GALNT17: variants seen among roughly 807,000 people sequenced by gnomAD.
The protein encoded by GALNT17 is UDP-GalNAc:polypeptide N-acetylgalactosaminyltransferase-like 3.
Under a neutral mutation model 63.7 loss-of-function variants are expected in GALNT17, and 29 were observed. The observed-to-expected ratio is 0.46, with a 90% CI of 0.34 to 0.62. GALNT17 has a LOEUF of 0.62. Ranked by LOEUF, GALNT17 falls within the 20% of genes least tolerant of loss-of-function variation. The pLI, the probability that GALNT17 is intolerant of heterozygous loss-of-function variation, is 0.01. For missense variants in GALNT17, 603 were observed against 799.6 expected (o/e 0.75, Z 2.97); for synonymous variants, 305 against 318.3 (o/e 0.96, Z 0.45).
intron 5 of GALNT17, among the ~76,000 whole-genome samples, chr7:71,449,143 C>G (rs191107913): frequency 1.3e-5 from 1 of 76,564 alleles, no homozygotes; most frequent in African/African-American, 5.5e-5. Flanking sequence ...GGCAGAGTCT[C>G]GCTCTGTCTC....
At chr7:71,219,783 A>G (rs527610446) in intron 1 of GALNT17, among the ~76,000 whole-genome samples, 173 of 151,964 alleles carry the variant, frequency 1.1e-3, no homozygotes, top group Non-Finnish European at 1.9e-3. Flanking sequence ...TCATATTTTT[A>G]TTTTCCTCAA....
At chr7:71,228,182 G>A (rs1583779333) in intron 1 of GALNT17, among the ~76,000 whole-genome samples, 1 of 152,128 alleles carries the variant, frequency 6.6e-6, no homozygotes, top group African/African-American at 2.4e-5. Flanking sequence ...CAGCCCAGCT[G>A]TCTCTAAACA....
intron 6 of GALNT17, among the ~76,000 whole-genome samples, chr7:71,621,456 C>T (rs900590350): frequency 2.7e-5 from 4 of 148,436 alleles, no homozygotes; most frequent in Admixed American, 2.0e-4. Flanking sequence ...GCTGAATAGG[C>T]GGGTGGATGG....
chr7:71,457,850 A>G (rs1251732948), intron 5 of GALNT17, among the ~76,000 whole-genome samples: 1 of 152,180 alleles, frequency 6.6e-6, no homozygotes, highest in Non-Finnish European at 1.5e-5. Context: ...CTGGGAATCC[A>G]GCCCAGTAGG....
chr7:71,206,136 GTATATATATATGAATATATATATAAAA>G (rs1351651063), intron 1 of GALNT17, among the ~76,000 whole-genome samples: 1 of 147,466 alleles, frequency 6.8e-6, no homozygotes, highest in African/African-American at 2.5e-5. Context: ...GTTTGTGTGT[GTATATATATATGAATATATATATAAAA>G]TATATATATT....
intron 2 of GALNT17, among the ~76,000 whole-genome samples, chr7:71,374,963 C>T (rs1275877130): frequency 6.6e-6 from 1 of 151,628 alleles, no homozygotes; most frequent in East Asian, 1.9e-4. Flanking sequence ...CCTCAGCCTC[C>T]TGAGTAGCTG....
intron 5 of GALNT17, among the ~76,000 whole-genome samples, chr7:71,451,996 G>C (rs1342736417): frequency 1.3e-5 from 2 of 151,980 alleles, no homozygotes; most frequent in Admixed American, 1.3e-4. Context: ...GATCTCTTGA[G>C]CCCAAGAGTT....
rs142879849 is a variant in GALNT17, at chr7:71,400,718, C to T, written c.589+12317C>T. Reference sequence around the variant, plus strand: ...ATTTAATAGTAAGTCCTTTAACCACCGATATGAAATTCACTGTTTTTATCT... The same window carrying T: ...ATTTAATAGTAAGTCCTTTAACCACTGATATGAAATTCACTGTTTTTATCT... On this transcript the variant is annotated intron_variant, in intron 3 of 10. Transcript: ENST00000333538. Among the ~76,000 whole-genome samples, 186 of 152,208 alleles carry T rather than the reference C, an allele frequency of 1.2e-3. 1 individual carries two copies. The highest frequency in any genetic ancestry group is 4.1e-3 in the African/African-American group (172 of 41,530).
intron 1 of GALNT17, among the ~76,000 whole-genome samples, chr7:71,280,811 A>C (rs979473842): frequency 2.0e-5 from 3 of 152,284 alleles, no homozygotes; most frequent in African/African-American, 7.2e-5. Context: ...TGCCTGTCTG[A>C]ACCCATCCCA....
At chr7:71,475,426 C>G (rs1351466558) in intron 5 of GALNT17, among the ~76,000 whole-genome samples, 1 of 152,156 alleles carries the variant, frequency 6.6e-6, no homozygotes, top group Non-Finnish European at 1.5e-5. Context: ...GCATTAGATT[C>G]TCATAAGGAG....
chr7:71,554,660 T>TC (rs1789133677), intron 5 of GALNT17, among the ~76,000 whole-genome samples: 1 of 152,142 alleles, frequency 6.6e-6, no homozygotes, highest in South Asian at 2.1e-4. Flanking sequence ...GACAATTGCC[T>TC]CCCGCCAGAG....
chr7:71,653,962 G>T lies in GALNT17; in HGVS notation c.1081-11449G>T, dbSNP rs978390393. On this transcript the variant is annotated intron_variant, in intron 6 of 10. Coordinates refer to ENST00000333538, the MANE Select transcript of GALNT17 (RefSeq NM_022479.3). The stretch of plus-strand genomic sequence containing the variant: ...ACCTGCCAGCAAATCCCTTGAGTGG[G>T]GTCTGAGTTTCTGAAAAACAGCTCA... Among the ~76,000 whole-genome samples, 10 of 151,998 alleles carry T rather than the reference G, an allele frequency of 6.6e-5. No individual in the cohort carries two copies. In the East Asian group the frequency reaches 1.2e-3, roughly 18 times the overall value.
At chr7:71,488,533 A>G (rs1037701702) in intron 5 of GALNT17, among the ~76,000 whole-genome samples, 1 of 132,978 alleles carries the variant, frequency 7.5e-6, no homozygotes, top group South Asian at 2.4e-4. Flanking sequence ...TCCCAGCTCC[A>G]CCCCCAGATA....
At chr7:71,676,445 G>A (rs1791151438) in intron 8 of GALNT17, among the ~76,000 whole-genome samples, 1 of 151,632 alleles carries the variant, frequency 6.6e-6, no homozygotes, top group Admixed American at 6.6e-5. Flanking sequence ...GTGAAGTGGT[G>A]CAATCATAGC....
At chr7:71,415,823 C>T (rs941536454) in intron 3 of GALNT17, 66 bp from the exon 4 acceptor site, 18 of 1,460,908 alleles carry the variant, frequency 1.2e-5, no homozygotes, top group Admixed American at 7.3e-5. Context: ...GTGGGCATTG[C>T]AGTGGGTTAG....
At chr7:71,223,837 G>C (rs1789633770) in intron 1 of GALNT17, among the ~76,000 whole-genome samples, 1 of 152,048 alleles carries the variant, frequency 6.6e-6, no homozygotes, top group Non-Finnish European at 1.5e-5. Flanking sequence ...TCCTGCATTA[G>C]TTTACTAAAG....
At chr7:71,499,328 G>A (rs1032615647) in intron 5 of GALNT17, among the ~76,000 whole-genome samples, 8 of 152,128 alleles carry the variant, frequency 5.3e-5, no homozygotes, top group African/African-American at 1.9e-4. Flanking sequence ...GGCTGAGATG[G>A]GAGGATCATA....
At chr7:71,643,678 A>G (rs1790635288) in intron 6 of GALNT17, among the ~76,000 whole-genome samples, 1 of 152,218 alleles carries the variant, frequency 6.6e-6, no homozygotes, top group Non-Finnish European at 1.5e-5. Context: ...TGTGGGAGCC[A>G]GGCTGCGAGC....
chr7:71,302,710 A>G (rs1045972345), intron 1 of GALNT17, among the ~76,000 whole-genome samples: 2 of 152,174 alleles, frequency 1.3e-5, no homozygotes, highest in Non-Finnish European at 2.9e-5. Context: ...GCAGCATAGC[A>G]TAACCGTGCT....
Sources: allele counts gnomAD v4.1 joint callset (sites outside exome capture counted in the v4.1 genomes callset), GRCh38; gene constraint gnomAD v4.1.1; transcripts MANE v1.5; gene names NCBI Gene and HGNC (gene_info 2026-07-23, HGNC 2026-07-21).